PPP1R37: variants seen among roughly 807,000 people sequenced by gnomAD.
PPP1R37 encodes protein phosphatase 1 regulatory subunit 37.
PPP1R37 carries 21 observed loss-of-function variants against 61.0 expected under a neutral mutation model. That is an observed-to-expected ratio of 0.34 (90% CI 0.24 to 0.50). The LOEUF (loss-of-function observed/expected upper bound fraction) is 0.50. PPP1R37 is among the 20% of genes least tolerant of loss of function. The pLI is 0.98. For synonymous variants in PPP1R37, 443 were observed against 433.5 expected, an observed-to-expected ratio of 1.02 and a Z score of -0.27; for missense variants, 910 against 952.7, an observed-to-expected ratio of 0.96 and a Z score of 0.59.
chr19:45,107,251 G>A (rs1051486389), intron 1 of PPP1R37, among the ~76,000 whole-genome samples: 1 of 151,928 alleles, frequency 6.6e-6, no homozygotes, highest in Non-Finnish European at 1.5e-5. Context: ...CCAGCACTTT[G>A]GGAGGCCGAA....
intron 8 of PPP1R37, chr19:45,144,184 T>G (rs2122758250): frequency 6.6e-6 from 1 of 152,486 alleles, no homozygotes; most frequent in African/African-American, 2.4e-5. Context: ...CAGCTAATTT[T>G]TTTGTATTTT....
rs1968419995 is a variant in PPP1R37 at position 45,127,376 on chromosome 19, AC to A, written c.203-11135del. Among the ~76,000 whole-genome samples, 10 of 137,968 alleles carry A rather than the reference AC, an allele frequency of 7.2e-5. No homozygotes were observed. The South Asian group carries it at 2.1e-3, about 28-fold the overall frequency. 90.5% of individuals were successfully genotyped at this position (137,968 alleles called of 152,430 possible). On this transcript the variant is annotated intron_variant, in intron 1 of 12. Transcript: ENST00000221462. ...TCAAAAAAAAAAAAAAAAAAAAAAAACCCTAGGTGGCATGCCTACTGCACAC... is the reference window on the plus strand; with the variant it reads ...TCAAAAAAAAAAAAAAAAAAAAAAAACCTAGGTGGCATGCCTACTGCACAC...
Position 45,145,194 on chromosome 19 carries a change from G to A in PPP1R37, c.1230G>A (p.Ser410=), listed in dbSNP as rs766450857. 157 of 1,535,144 alleles carry A rather than the reference G, an allele frequency of 1.0e-4. No homozygotes were observed. The highest frequency in any genetic ancestry group is 1.3e-4 in the Non-Finnish European group (146 of 1,146,534). ...EIKTGGLMAL[S]LALKVNHSLL... ...AGACAGGCGGGCTCATGGCACTGTC[G>A]TTGGCCCTCAAGGTGAACCACTCAC... Residue 410 remains serine (S), a synonymous_variant, in exon 10 of 13, where the codon TCG becomes TCA. Transcript: ENST00000221462.
Position 45,146,587 on chromosome 19 carries a change from G to C in PPP1R37, c.*25G>C, listed in dbSNP as rs537574902. On this transcript the variant is annotated 3_prime_UTR_variant, in exon 13 of 13. Transcript: ENST00000221462. ...CTCCCCAAGTTCCCTTTTTCCGGTC[G>C]GTCTGCGATGAGCTGAGGCCAGAGC... 7.7e-6 allele frequency: 6 copies of C among 780,476 alleles called. No individual in the cohort carries two copies. Among genetic ancestry groups the C allele is most frequent in the African/African-American group, 5.2e-5 (3 of 57,568 alleles). 48.3% of individuals were successfully genotyped at this position (780,476 alleles called of 1,614,324 possible). A position where few individuals can be genotyped will look rare whatever the true frequency, so the allele number is the denominator to read the frequency against.
At position 45,145,920 on chromosome 19, in the gene PPP1R37, C is replaced by T; in HGVS notation, c.1864C>T (p.Pro622Ser). 16 of 1,534,606 alleles carry T rather than the reference C, an allele frequency of 1.0e-5. No homozygotes were observed. The highest frequency in any genetic ancestry group is 8.7e-6 in the Non-Finnish European group (10 of 1,146,442). ...GGACACAGGGTCCTCTGAGCCTCAG[C>T]CACCACCGGAGCCGCCTCGGTCAGG... The part of the protein sequence containing the change: ...TRDTGSSEPQ[P>S]PPEPPRSGPP... Residue 622 changes from proline to serine, a missense_variant, in exon 11 of 13, where the codon CCA becomes TCA. Pro to Ser is a moderately conservative substitution (Grantham distance 74). Transcript: ENST00000221462.
chr19:45,134,240 G>C (rs1233713413), intron 1 of PPP1R37, among the ~76,000 whole-genome samples: 1 of 152,004 alleles, frequency 6.6e-6, no homozygotes, highest in Non-Finnish European at 1.5e-5. Context: ...TTGGCCTAAA[G>C]CAATCCTCCT....
chr19:45,121,854 G>T lies in PPP1R37; in HGVS notation c.203-16660G>T, dbSNP rs1968346322. ...AATACCTGCCCTTGGGAAGCCCACTGCATTGGGCTTACATGACTGATCAGA... is the reference window on the plus strand; with the variant it reads ...AATACCTGCCCTTGGGAAGCCCACTTCATTGGGCTTACATGACTGATCAGA... On this transcript the variant is annotated intron_variant, in intron 1 of 12. Coordinates refer to ENST00000221462, the MANE Select transcript of PPP1R37 (RefSeq NM_019121.2). The surrounding 1 kb of genome is among the most constrained non-coding windows in gnomAD (Gnocchi z 4.2). Among the ~76,000 whole-genome samples, 1 of 152,230 alleles carries T rather than the reference G, an allele frequency of 6.6e-6. No homozygotes were observed. The highest frequency in any genetic ancestry group is 1.5e-5 in the Non-Finnish European group (1 of 68,038).
chr19:45,141,991 GGTCCTGGGGCCAGGGAGTGCTGGGGCA>G, intron 5 of PPP1R37, 43 bp from the exon 6 acceptor site: 1 of 1,153,960 alleles, frequency 8.7e-7, no homozygotes, highest in Non-Finnish European at 1.2e-6. Context: ...GTGCTGGGGC[GGTCCTGGGGCCAGGGAGTGCTGGGGCA>G]GGCCTGAGCC....
Position 45,141,349 on chromosome 19 carries a change from G to A in PPP1R37, c.475G>A (p.Glu159Lys), listed in dbSNP as rs951655865. ...TGCCTCGGCCCTCTTCGACATGATCGAGTACTACGAGTCGGCCACCCACCT... is the reference window on the plus strand; with the variant it reads ...TGCCTCGGCCCTCTTCGACATGATCAAGTACTACGAGTCGGCCACCCACCT... ...DGASALFDMI[E>K]YYESATHLNI... Residue 159 changes from glutamate (E) to lysine (K), a missense_variant, in exon 5 of 13, where the codon GAG becomes AAG. Coordinates refer to ENST00000221462, the MANE Select transcript of PPP1R37 (RefSeq NM_019121.2). 7.8e-6 allele frequency: 12 copies of A among 1,535,850 alleles called. No homozygotes were observed. Among genetic ancestry groups the A allele is most frequent in the Admixed American group, 5.9e-5 (3 of 50,952 alleles).
At chr19:45,142,253 G>C (rs1205883703) in intron 6 of PPP1R37, 42 bp downstream of exon 6, 1 of 1,533,934 alleles carries the variant, frequency 6.5e-7, no homozygotes, top group Non-Finnish European at 8.7e-7. Flanking sequence ...TGTGCAGCCT[G>C]TTGGGGGGCA....
At position 45,141,455 on chromosome 19, in the gene PPP1R37, G is replaced by A. The variant is rs1157498547; in HGVS notation, c.567+14G>A. 22 of 1,529,900 alleles carry A rather than the reference G, an allele frequency of 1.4e-5. No individual in the cohort carries two copies. The highest frequency in any genetic ancestry group is 4.0e-5 in the Admixed American group (2 of 50,110). 94.8% of individuals were successfully genotyped at this position (1,529,900 alleles called of 1,614,324 possible). A position where few individuals can be genotyped will look rare whatever the true frequency, so the allele number is the denominator to read the frequency against. ...ATGATGCGCAAGGTGGGCGCCTCTCGGCTTCCAGGAAGAGGCAGCTCAGGC... is the reference window on the plus strand; with the variant it reads ...ATGATGCGCAAGGTGGGCGCCTCTCAGCTTCCAGGAAGAGGCAGCTCAGGC... On this transcript the variant is annotated intron_variant, in intron 5 of 12. Coordinates refer to ENST00000221462, the MANE Select transcript of PPP1R37 (RefSeq NM_019121.2).
chr19:45,125,674 C>G (rs559961004), intron 1 of PPP1R37, among the ~76,000 whole-genome samples: 10 of 152,244 alleles, frequency 6.6e-5, no homozygotes, highest in African/African-American at 2.2e-4. Flanking sequence ...TGTCCCTGAC[C>G]GATCATTGTA....
Position 45,093,509 on chromosome 19 carries a change from A to G in PPP1R37, c.184A>G (p.Lys62Glu). The change falls in exon 1 of 13, where the codon AAA (lysine) becomes GAA (glutamate). Residue 62 changes from lysine (K) to glutamate (E), a missense_variant. By Grantham distance (56) the Lys-to-Glu change is moderately conservative. This residue lies in a region of PPP1R37 where 280 missense variants were observed against 382.2 expected (regional missense o/e 0.73). Transcript: ENST00000221462. The stretch of plus-strand genomic sequence containing the variant: ...TATCGTGTCTGGAGCAGTGGAGCCC[A>G]AAGACCCCTGGAGACATGGTAGCTA... Reference protein sequence around the residue: ...EDIVSGAVEPKDPWRHAQNVT... With the variant: ...EDIVSGAVEPEDPWRHAQNVT... 1 of 1,535,176 alleles carries G rather than the reference A, an allele frequency of 6.5e-7. No individual in the cohort carries two copies. Among genetic ancestry groups the G allele is most frequent in the Non-Finnish European group, 8.7e-7 (1 of 1,146,526 alleles).
chr19:45,100,022 A>G (rs1025080623), intron 1 of PPP1R37: 7 of 152,208 alleles, frequency 4.6e-5, no homozygotes, highest in Non-Finnish European at 8.8e-5. Flanking sequence ...GCGAACCTTC[A>G]CAGGCATCCG....
chr19:45,112,968 C>G (rs1365347595), intron 1 of PPP1R37, among the ~76,000 whole-genome samples: 1 of 152,220 alleles, frequency 6.6e-6, no homozygotes, highest in East Asian at 1.9e-4. Flanking sequence ...CTCATACTTT[C>G]CCTAATGCCT....
At position 45,121,799 on chromosome 19, in the gene PPP1R37, G is replaced by A. The variant is rs996407265; in HGVS notation, c.203-16715G>A. The stretch of plus-strand genomic sequence containing the variant: ...TGACTACATATCAGGCTGCCCTGGG[G>A]CCCCTTTCAGTAAAGATACTCCCCT... On this transcript the variant is annotated intron_variant, in intron 1 of 12. Transcript: ENST00000221462. This position sits in a 1 kb window ranked among gnomAD's most constrained non-coding sequence, Gnocchi z 4.2. Among the ~76,000 whole-genome samples the A allele has an allele frequency of 1.3e-5, 2 of 152,204 alleles. No individual in the cohort carries two copies. Among genetic ancestry groups the A allele is most frequent in the African/African-American group, 4.8e-5 (2 of 41,448 alleles).
At chr19:45,128,393 C>G (rs1968435172) in intron 1 of PPP1R37, among the ~76,000 whole-genome samples, 1 of 152,184 alleles carries the variant, frequency 6.6e-6, no homozygotes, top group African/African-American at 2.4e-5. Context: ...GCTGCAGAGC[C>G]TAGTCTGATC....
At chr19:45,125,166 CTT>C (rs532851585) in intron 1 of PPP1R37, among the ~76,000 whole-genome samples, 26 of 152,226 alleles carry the variant, frequency 1.7e-4, no homozygotes, top group Admixed American at 3.3e-4. Flanking sequence ...AACAATATCT[CTT>C]TAATCTCTGA....
intron 1 of PPP1R37, among the ~76,000 whole-genome samples, chr19:45,112,805 C>T (rs374547295): frequency 4.6e-5 from 7 of 152,098 alleles, no homozygotes; most frequent in South Asian, 2.1e-4. Context: ...TGACCCTGCC[C>T]GGGGCACAGA....
Sources: allele counts gnomAD v4.1 joint callset (sites outside exome capture counted in the v4.1 genomes callset), GRCh38; gene constraint gnomAD v4.1.1; regional missense constraint gnomAD v4.1.1; non-coding constraint Gnocchi (gnomAD v3.1); transcripts MANE v1.5; gene names NCBI Gene and HGNC (gene_info 2026-07-23, HGNC 2026-07-21).